The following NDUFAF2 variants were observed in gnomAD, a reference collection of about 807,000 sequenced individuals.
The protein encoded by NDUFAF2 is NADH:ubiquinone oxidoreductase complex assembly factor 2.
Under a neutral mutation model 22.8 loss-of-function variants are expected in NDUFAF2, and 13 were observed. The observed-to-expected ratio is 0.57, with a 90% CI of 0.37 to 0.91. NDUFAF2 has a LOEUF of 0.91. Ranked by LOEUF, NDUFAF2 falls within the 40% of genes least tolerant of loss-of-function variation. NDUFAF2 has a pLI of 0.01. For missense variants in NDUFAF2, 162 were observed against 195.2 expected (o/e 0.83, Z 1.01); for synonymous variants, 53 against 64.2 (o/e 0.83, Z 0.84).
intron 3 of NDUFAF2, among the ~76,000 whole-genome samples, chr5:61,131,814 G>T (rs543322398): frequency 6.6e-6 from 1 of 152,092 alleles, no homozygotes; most frequent in South Asian, 2.1e-4. Context: ...TATATGCAGG[G>T]GGAAGTCTAT....
chr5:61,055,104 A>G (rs190919622), intron 1 of NDUFAF2, among the ~76,000 whole-genome samples: 2 of 152,358 alleles, frequency 1.3e-5, no homozygotes, highest in African/African-American at 2.4e-5. Flanking sequence ...AGAGGAAAAT[A>G]TATATAGTAT....
intron 1 of NDUFAF2, among the ~76,000 whole-genome samples, chr5:60,946,395 ATG>A (rs1447605095): frequency 4.6e-5 from 7 of 152,216 alleles, no homozygotes; most frequent in African/African-American, 1.4e-4. Flanking sequence ...CACATATAAA[ATG>A]TATTCTGTGA....
At chr5:61,150,530 G>A (rs1044024861) in intron 3 of NDUFAF2, among the ~76,000 whole-genome samples, 2 of 152,064 alleles carry the variant, frequency 1.3e-5, no homozygotes, top group African/African-American at 4.8e-5. Flanking sequence ...GTGAAGGCAG[G>A]AGAAACAAGA....
chr5:61,117,099 T>G (rs577744898), intron 3 of NDUFAF2, among the ~76,000 whole-genome samples: 2 of 152,156 alleles, frequency 1.3e-5, no homozygotes, highest in Non-Finnish European at 2.9e-5. Context: ...AACCCTCATT[T>G]TCAAAAATGA....
chr5:61,094,210 C>G (rs188439925), intron 2 of NDUFAF2, among the ~76,000 whole-genome samples: 5 of 152,172 alleles, frequency 3.3e-5, no homozygotes, highest in African/African-American at 9.6e-5. Context: ...CTATTCTTGT[C>G]TGCCTGTCTT....
At chr5:61,031,094 T>TG (rs1270058264) in intron 1 of NDUFAF2, among the ~76,000 whole-genome samples, 3 of 152,172 alleles carry the variant, frequency 2.0e-5, no homozygotes, top group African/African-American at 7.2e-5. Flanking sequence ...ATCAACCACT[T>TG]GAACTCAGAG....
intron 1 of NDUFAF2, among the ~76,000 whole-genome samples, chr5:61,048,675 A>C (rs1751985616): frequency 6.6e-6 from 1 of 152,160 alleles, no homozygotes; most frequent in Non-Finnish European, 1.5e-5. Flanking sequence ...AGTTGATCTT[A>C]ATCCTAACAT....
intron 1 of NDUFAF2, among the ~76,000 whole-genome samples, chr5:61,017,388 A>C (rs1425269413): frequency 1.1e-5 from 1 of 88,456 alleles, no homozygotes; most frequent in Admixed American, 1.3e-4. Flanking sequence ...CTTTGGGCAC[A>C]CTTTTTTTTT....
intron 1 of NDUFAF2, among the ~76,000 whole-genome samples, chr5:61,017,136 G>A (rs1172451255): frequency 4.6e-5 from 7 of 152,098 alleles, no homozygotes; most frequent in South Asian, 2.1e-4. Flanking sequence ...ATAGAGGTAG[G>A]CGTCAAACAG....
chr5:61,101,091 C>T (rs1192319873), intron 3 of NDUFAF2, among the ~76,000 whole-genome samples: 1 of 152,108 alleles, frequency 6.6e-6, no homozygotes, highest in African/African-American at 2.4e-5. Context: ...TTACACTCTT[C>T]AAATCCAAAT....
intron 1 of NDUFAF2, among the ~76,000 whole-genome samples, chr5:60,972,777 T>TG (rs1201407976): frequency 6.6e-6 from 1 of 151,036 alleles, no homozygotes; most frequent in Non-Finnish European, 1.5e-5. Flanking sequence ...TATTCTGTTT[T>TG]TTTTTTTTTT....
chr5:61,112,898 T>TTA (rs1752862979), intron 3 of NDUFAF2, among the ~76,000 whole-genome samples: 1 of 151,614 alleles, frequency 6.6e-6, no homozygotes, highest in African/African-American at 2.4e-5. Flanking sequence ...CTTTTTTTTT[T>TTA]TTTGTATCTG....
intron 1 of NDUFAF2, among the ~76,000 whole-genome samples, chr5:61,064,729 C>T (rs930517205): frequency 9.9e-5 from 15 of 151,730 alleles, no homozygotes; most frequent in Non-Finnish European, 2.2e-4. Flanking sequence ...ATGCAGCAAA[C>T]GCATTTCTAA....
intron 1 of NDUFAF2, among the ~76,000 whole-genome samples, chr5:60,948,565 T>G (rs1162524856): frequency 6.9e-6 from 1 of 145,498 alleles, no homozygotes; most frequent in African/African-American, 2.5e-5. Context: ...TTTTTTTTTT[T>G]GTTTTTTAGG....
intron 1 of NDUFAF2, among the ~76,000 whole-genome samples, chr5:61,041,907 T>C (rs1202909035): frequency 1.3e-5 from 2 of 152,170 alleles, no homozygotes; most frequent in Non-Finnish European, 2.9e-5. Context: ...AAATCCCCAT[T>C]GCAGTCATGG....
chr5:61,128,982 A>G (rs1753072883), intron 3 of NDUFAF2, among the ~76,000 whole-genome samples: 1 of 152,214 alleles, frequency 6.6e-6, no homozygotes, highest in South Asian at 2.1e-4. Context: ...AAAAGTGGGC[A>G]AAGTATATGA....
At chr5:61,129,273 C>G (rs1348775088) in intron 3 of NDUFAF2, among the ~76,000 whole-genome samples, 2 of 152,106 alleles carry the variant, frequency 1.3e-5, no homozygotes, top group Non-Finnish European at 1.5e-5. Flanking sequence ...TACCATTTGA[C>G]CCAGCCATCC....
chr5:61,142,268 T>A (rs1741071456), intron 3 of NDUFAF2, among the ~76,000 whole-genome samples: 1 of 152,212 alleles, frequency 6.6e-6, no homozygotes, highest in African/African-American at 2.4e-5. Context: ...TTTATTTTAG[T>A]AAAGGAAATA....
chr5:61,040,765 A>T (rs1190658067), intron 1 of NDUFAF2, among the ~76,000 whole-genome samples: 1 of 148,240 alleles, frequency 6.7e-6, no homozygotes, highest in Non-Finnish European at 1.5e-5. Flanking sequence ...TGCATATTAG[A>T]GAGAGACTGG....
Sources: gnomAD v4.1 joint callset for allele counts (sites outside exome capture counted in the v4.1 genomes callset) on GRCh38, gnomAD v4.1.1 for gene constraint, MANE v1.5 for transcripts, NCBI Gene and HGNC (gene_info 2026-07-23, HGNC 2026-07-21) for gene names.